Variants in COL4A2 observed in about 807,000 individuals in gnomAD.
COL4A2 encodes collagen alpha-2(IV) chain.
Under a neutral mutation model 200.2 loss-of-function variants are expected in COL4A2, and 99 were observed. That is an observed-to-expected ratio of 0.49 (90% CI 0.42 to 0.58). The LOEUF is 0.58. Among genes scored for constraint, COL4A2 ranks in the 20% least tolerant of loss-of-function variants. The pLI, the probability that COL4A2 is intolerant of heterozygous loss-of-function variation, is 0.00. For missense variants in COL4A2, 1,950 were observed against 2,314.1 expected (o/e 0.84, Z 3.23); for synonymous variants, 897 against 900.6 (o/e 1.00, Z 0.07).
At chr13:110,368,944 C>T (rs1280132316) in intron 4 of COL4A2, among the ~76,000 whole-genome samples, 3 of 151,980 alleles carry the variant, frequency 2.0e-5, no homozygotes, top group African/African-American at 7.3e-5. Context: ...CGCGGTGGCT[C>T]GCACCTGTAA....
intron 40 of COL4A2, among the ~76,000 whole-genome samples, chr13:110,498,663 G>GT (rs1344810733): frequency 6.6e-6 from 1 of 152,222 alleles, no homozygotes; most frequent in Non-Finnish European, 1.5e-5. Flanking sequence ...TTGTCCCTGA[G>GT]TAAGTGCTCA....
intron 3 of COL4A2, among the ~76,000 whole-genome samples, chr13:110,320,126 C>G (rs1032632451): frequency 6.6e-6 from 1 of 152,220 alleles, no homozygotes; most frequent in African/African-American, 2.4e-5. Context: ...TCTGTCCACC[C>G]GAAGGTTCTG....
intron 3 of COL4A2, among the ~76,000 whole-genome samples, chr13:110,310,238 C>G (rs1306809132): frequency 3.3e-5 from 5 of 152,198 alleles, no homozygotes; most frequent in East Asian, 1.9e-4. Context: ...CAGAGCTTCT[C>G]AAAGTGCAGG....
chr13:110,485,339 C>T (rs560672990), intron 33 of COL4A2, among the ~76,000 whole-genome samples: 32 of 152,078 alleles, frequency 2.1e-4, no homozygotes, highest in Non-Finnish European at 2.5e-4. Flanking sequence ...CTGGCTAACA[C>T]GGTGAAACCC....
chr13:110,331,317 T>A (rs1875901648), intron 3 of COL4A2, among the ~76,000 whole-genome samples: 1 of 152,228 alleles, frequency 6.6e-6, no homozygotes, highest in Non-Finnish European at 1.5e-5. Context: ...CAAATCTCCA[T>A]AATAATTTTT....
At chr13:110,421,319 C>T (rs771288219) in intron 4 of COL4A2, among the ~76,000 whole-genome samples, 10 of 152,194 alleles carry the variant, frequency 6.6e-5, no homozygotes, top group African/African-American at 1.2e-4. Context: ...TTCACAGCAG[C>T]GCTATCCACA....
chr13:110,493,857 C>T (rs978054214), intron 39 of COL4A2, among the ~76,000 whole-genome samples: 9 of 152,254 alleles, frequency 5.9e-5, no homozygotes, highest in South Asian at 4.1e-4. Context: ...TGTGTCCTCA[C>T]GAGGGAGAGC....
At position 110,503,700 on chromosome 13, in the gene COL4A2, C is replaced by G. The variant is rs9284254; in HGVS notation, c.4139-147C>G. The G allele has an allele frequency of 0.2, 188,887 of 959,722 alleles. 20,176 individuals carry two copies. The highest frequency in any genetic ancestry group is 0.27 in the African/African-American group (16,468 of 60,546). The allele number at this position is 959,722 out of a possible 1,614,324, so 59.5% of individuals were successfully genotyped here. On this transcript the variant is annotated intron_variant, in intron 43 of 47. Coordinates refer to ENST00000360467, the MANE Select transcript of COL4A2 (RefSeq NM_001846.4). The stretch of plus-strand genomic sequence containing the variant: ...GGCAGGCGCTGAGTCACGGCTCAGG[C>G]CCGTTAGTGTCTGGCTCATCTCTAG...
In COL4A2 at chr13:110,485,616, G is replaced by A. The variant is rs58934080; in HGVS notation, c.3026-39G>A. The A allele has an allele frequency of 5.8e-3, 8,860 of 1,531,108 alleles. 437 individuals are homozygous for A. In the African/African-American group the frequency reaches 0.11, roughly 19 times the overall value. The allele number at this position is 1,531,108 out of a possible 1,614,324, so 94.8% of individuals were successfully genotyped here. ...TTGAAAACTGGAGGGCGGGTGCTGC[G>A]TCCTCACCAGAGTGTTACACACCAG... On this transcript the variant is annotated intron_variant, in intron 33 of 47. Transcript: ENST00000360467.
intron 4 of COL4A2, among the ~76,000 whole-genome samples, chr13:110,390,848 C>G (rs570366683): frequency 1.4e-4 from 21 of 152,182 alleles, no homozygotes; most frequent in Non-Finnish European, 2.5e-4. Flanking sequence ...CCATGGTATC[C>G]TAAACGTTTG....
chr13:110,476,885 A>G (rs1264925013), intron 29 of COL4A2, among the ~76,000 whole-genome samples: 1 of 152,224 alleles, frequency 6.6e-6, no homozygotes, highest in Non-Finnish European at 1.5e-5. Context: ...ACACACCCAC[A>G]CACACACCAT....
At chr13:110,480,533 C>T in intron 31 of COL4A2, 143 bp downstream of exon 31, 1 of 858,200 alleles carries the variant, frequency 1.2e-6, no homozygotes, top group South Asian at 2.0e-5. Context: ...TGGGACTCTC[C>T]TGACCTAGGA....
chr13:110,449,633 G>A (rs377032034), intron 18 of COL4A2, 46 bp from the exon 19 acceptor site: 61 of 1,495,100 alleles, frequency 4.1e-5, no homozygotes, highest in South Asian at 6.3e-5. Flanking sequence ...GCTGCGATCC[G>A]TAGACCACGG....
In COL4A2 at chr13:110,508,069, C is replaced by T; in HGVS notation, c.4729C>T (p.Pro1577Ser). The T allele has an allele frequency of 6.2e-7, 1 of 1,614,254 alleles. No individual in the cohort carries two copies. Among genetic ancestry groups the T allele is most frequent in the African/African-American group, 1.3e-5 (1 of 75,080 alleles). ...LSTTAPLPMM[P>S]VAEDEIKPYI... ...TACCACTGCGCCGCTGCCCATGATGCCCGTGGCCGAGGACGAGATCAAGCC... is the reference window on the plus strand; with the variant it reads ...TACCACTGCGCCGCTGCCCATGATGTCCGTGGCCGAGGACGAGATCAAGCC... The change falls in exon 47 of 48, where the codon CCC becomes TCC. Residue 1577 changes from proline (P) to serine (S), a missense_variant. By Grantham distance (74) the Pro-to-Ser change is moderately conservative. This residue lies in a region of COL4A2 where 1,385 missense variants were observed against 1,720.5 expected (regional missense o/e 0.80). Transcript: ENST00000360467. The surrounding 1 kb of genome is among the most constrained non-coding windows in gnomAD (Gnocchi z 6.1).
intron 18 of COL4A2, among the ~76,000 whole-genome samples, chr13:110,447,106 C>T (rs1450934629): frequency 6.6e-6 from 1 of 152,240 alleles, no homozygotes; most frequent in East Asian, 1.9e-4. Flanking sequence ...AGACAGTCCT[C>T]ACCACCTACA....
intron 16 of COL4A2, among the ~76,000 whole-genome samples, chr13:110,442,956 T>C (rs567760057): frequency 6.7e-6 from 1 of 149,280 alleles, no homozygotes; most frequent in Non-Finnish European, 1.5e-5. Context: ...AAGTCCCCCC[T>C]CAATAGGACC....
In COL4A2 at chr13:110,478,018, C is replaced by G; in HGVS notation, c.2441C>G (p.Pro814Arg). The change falls in exon 30 of 48, where the codon CCT becomes CGT. Residue 814 changes from proline (P) to arginine (R), a missense_variant. Pro to Arg is a moderately radical substitution (Grantham distance 103). Around this residue, in one of 2 missense-constraint regions of COL4A2, gnomAD observed 1,385 missense variants for 1,720.5 expected, o/e 0.80. Transcript: ENST00000360467. ...PPGFRGSQGMPGMPGLKGQPG... is the reference protein window; with the variant it reads ...PPGFRGSQGMRGMPGLKGQPG... Reference sequence around the variant, plus strand: ...ATTCCTGCAGGAAGCCAAGGGATGCCTGGGATGCCAGGGCTGAAGGGCCAG... The same window carrying G: ...ATTCCTGCAGGAAGCCAAGGGATGCGTGGGATGCCAGGGCTGAAGGGCCAG... The G allele has an allele frequency of 6.4e-7, 1 of 1,570,724 alleles. No homozygotes were observed. The highest frequency in any genetic ancestry group is 8.7e-7 in the Non-Finnish European group (1 of 1,155,626).
intron 12 of COL4A2, among the ~76,000 whole-genome samples, chr13:110,435,819 G>T (rs975318713): frequency 2.4e-4 from 37 of 152,008 alleles, no homozygotes; most frequent in African/African-American, 8.0e-4. Context: ...AGTTACTTAA[G>T]ATTTTTTTTA....
rs189581325 is a variant in COL4A2, at chr13:110,493,572, C to T, written c.3634+290C>T. Among the ~76,000 whole-genome samples the T allele has an allele frequency of 6.6e-5, 10 of 152,230 alleles. 1 individual carries two copies. The highest frequency in any genetic ancestry group is 2.2e-4 in the African/African-American group (9 of 41,540). On this transcript the variant is annotated intron_variant, in intron 39 of 47. Transcript: ENST00000360467. ...AGAGTCCTTGCTTTTTCAGCAGCACCGTTGGGAGGGTGGGATGCACCTGCG... is the reference window on the plus strand; with the variant it reads ...AGAGTCCTTGCTTTTTCAGCAGCACTGTTGGGAGGGTGGGATGCACCTGCG...
Sources: allele counts gnomAD v4.1 joint callset (sites outside exome capture counted in the v4.1 genomes callset), GRCh38; gene constraint gnomAD v4.1.1; regional missense constraint gnomAD v4.1.1; non-coding constraint Gnocchi (gnomAD v3.1); transcripts MANE v1.5; gene names NCBI Gene and HGNC (gene_info 2026-07-23, HGNC 2026-07-21).